Variants in WDR41 observed in about 807,000 individuals in gnomAD.
WDR41 encodes the protein WD repeat-containing protein 41.
In WDR41, 63 loss-of-function variants were observed where a neutral mutation model predicts 69.3. The observed-to-expected ratio is 0.91, with a 90% CI of 0.74 to 1.12. The LOEUF (loss-of-function observed/expected upper bound fraction) is 1.12, where lower values mean the gene tolerates loss of function less well. WDR41 is among the 50% of genes most tolerant of loss of function. The probability of loss-of-function intolerance (pLI) is 0.00; values close to 1 mark genes in which losing one functional copy is unlikely to be tolerated. For synonymous variants in WDR41, 185 were observed against 192.1 expected (o/e 0.96, Z 0.31); for missense variants, 543 against 534.5 (o/e 1.02, Z -0.16).
intron 1 of WDR41, among the ~76,000 whole-genome samples, chr5:77,577,435 T>C (rs539092420): frequency 6.6e-6 from 1 of 151,862 alleles, no homozygotes. Flanking sequence ...AATCAAGAGA[T>C]GCAAATTAAT....
At chr5:77,445,200 C>T (rs1018857219) in intron 8 of WDR41, among the ~76,000 whole-genome samples, 10 of 152,148 alleles carry the variant, frequency 6.6e-5, no homozygotes, top group Admixed American at 5.9e-4. Context: ...AATTCCTGGA[C>T]ACATACACCC....
intron 2 of WDR41, among the ~76,000 whole-genome samples, chr5:77,471,739 T>C (rs335651): frequency 0.51 from 76,624 of 151,672 alleles, 20,091 homozygotes; most frequent in African/African-American, 0.64. Flanking sequence ...AGAAGCTGAA[T>C]CTCTGAATAG....
rs1798760546 is a variant in WDR41 at position 77,432,440 on chromosome 5, AAATGATCTAGAGCTCATC to A, written c.*677_*694del. ...TGACTCCGGAAACACTGTGCCTCTC[AAATGATCTAGAGCTCATC>A]CTTGGCGTACATGAGGGGCAGTTGT... On this transcript the variant is annotated 3_prime_UTR_variant, in exon 13 of 13. Transcript: ENST00000296679. 6.6e-6 allele frequency: 1 copy of A among 152,604 alleles called. No individual in the cohort carries two copies. The highest frequency in any genetic ancestry group is 1.5e-5 in the Non-Finnish European group (1 of 68,050). 9.5% of individuals were successfully genotyped at this position (152,604 alleles called of 1,614,324 possible). A position where few individuals can be genotyped will look rare whatever the true frequency, so the allele number is the denominator to read the frequency against.
intron 1 of WDR41, among the ~76,000 whole-genome samples, chr5:77,609,661 C>T (rs1379589680): frequency 6.6e-6 from 1 of 152,100 alleles, no homozygotes; most frequent in Non-Finnish European, 1.5e-5. Context: ...ATCTGTACAT[C>T]ACCATCATCA....
chr5:77,493,187 G>T (rs1801880263), upstream of WDR41, among the ~76,000 whole-genome samples: 3 of 152,156 alleles, frequency 2.0e-5, no homozygotes, highest in Admixed American at 2.0e-4. Context: ...AGGCTCCTCA[G>T]GTGATTCTGA....
upstream of WDR41, among the ~76,000 whole-genome samples, chr5:77,493,035 G>T (rs888833651): frequency 1.3e-5 from 2 of 152,084 alleles, no homozygotes; most frequent in Non-Finnish European, 2.9e-5. Flanking sequence ...ATTTTCTTAG[G>T]TAGTCAAAGG....
chr5:77,538,049 C>T (rs187799886), intron 1 of WDR41, among the ~76,000 whole-genome samples: 1 of 152,010 alleles, frequency 6.6e-6, no homozygotes, highest in Non-Finnish European at 1.5e-5. Flanking sequence ...AAATAATATA[C>T]ATTGTACCCT....
intron 1 of WDR41, among the ~76,000 whole-genome samples, chr5:77,557,289 A>G (rs1743421117): frequency 6.6e-6 from 1 of 152,176 alleles, no homozygotes; most frequent in Non-Finnish European, 1.5e-5. Context: ...AAAACCATTA[A>G]GAGAATAAAT....
intron 1 of WDR41, among the ~76,000 whole-genome samples, chr5:77,525,901 GC>G (rs1802438891): frequency 1.3e-5 from 2 of 152,130 alleles, no homozygotes; most frequent in South Asian, 4.1e-4. Flanking sequence ...CTGTAACCAA[GC>G]TTGTGCCCAT....
intron 1 of WDR41, among the ~76,000 whole-genome samples, chr5:77,620,071 T>C (rs1010965000): frequency 6.6e-5 from 10 of 152,054 alleles, no homozygotes; most frequent in Non-Finnish European, 8.8e-5. Flanking sequence ...AAGAAACAAA[T>C]ACCCGTGTTC....
chr5:77,434,025 A>G (rs1798836996), intron 12 of WDR41, among the ~76,000 whole-genome samples: 1 of 152,184 alleles, frequency 6.6e-6, no homozygotes, highest in Non-Finnish European at 1.5e-5. Context: ...CTCGAAGGAA[A>G]GGGTGAAATA....
At chr5:77,506,121 T>A (rs1409597620) in intron 1 of WDR41, among the ~76,000 whole-genome samples, 2 of 151,906 alleles carry the variant, frequency 1.3e-5, no homozygotes, top group Non-Finnish European at 2.9e-5. Flanking sequence ...TGCGAGAAAA[T>A]TTTTGCAATC....
At chr5:77,508,405 C>G (rs899114260) in intron 1 of WDR41, among the ~76,000 whole-genome samples, 1 of 152,234 alleles carries the variant, frequency 6.6e-6, no homozygotes, top group African/African-American at 2.4e-5. Context: ...TGAGCCACCA[C>G]ACCTGGCCCT....
intron 8 of WDR41, 138 bp from the exon 9 acceptor site, chr5:77,441,135 G>A: frequency 1.2e-6 from 1 of 803,024 alleles, no homozygotes; most frequent in South Asian, 3.3e-5. Flanking sequence ...CCAACAGAAA[G>A]ATTAATGTAA....
At chr5:77,549,518 A>G (rs1743258536) in intron 1 of WDR41, among the ~76,000 whole-genome samples, 1 of 151,764 alleles carries the variant, frequency 6.6e-6, no homozygotes, top group South Asian at 2.1e-4. Context: ...TAGCCGCTCC[A>G]AAAAAAACAC....
intron 8 of WDR41, among the ~76,000 whole-genome samples, chr5:77,447,174 A>C (rs1799418391): frequency 6.6e-6 from 1 of 152,236 alleles, no homozygotes; most frequent in African/African-American, 2.4e-5. Flanking sequence ...GCTCAACATC[A>C]CTGATCATTA....
intron 1 of WDR41, among the ~76,000 whole-genome samples, chr5:77,578,864 CAAAAAAAAA>C (rs55920763): frequency 1.3e-5 from 1 of 77,202 alleles, no homozygotes; most frequent in South Asian, 4.2e-4. Flanking sequence ...AACTCCATCT[CAAAAAAAAA>C]AAAAAAAAAA....
intron 1 of WDR41, among the ~76,000 whole-genome samples, chr5:77,529,115 T>C (rs1802488272): frequency 6.6e-6 from 1 of 151,530 alleles, no homozygotes; most frequent in African/African-American, 2.4e-5. Context: ...AGCTGACATG[T>C]ATAATGGCAT....
At chr5:77,465,874 T>C (rs768462760) in intron 2 of WDR41, among the ~76,000 whole-genome samples, 19 of 152,004 alleles carry the variant, frequency 1.2e-4, no homozygotes, top group Admixed American at 2.6e-4. Context: ...AATCCCACTA[T>C]TTCAGTCATG....
Sources: gnomAD v4.1 joint callset for allele counts (sites outside exome capture counted in the v4.1 genomes callset) on GRCh38, gnomAD v4.1.1 for gene constraint, MANE v1.5 for transcripts, NCBI Gene and HGNC (gene_info 2026-07-23, HGNC 2026-07-21) for gene names.